Variants in CAMTA1 observed in about 807,000 individuals in gnomAD.
The protein encoded by CAMTA1 is calmodulin-binding transcription activator 1.
A neutral mutation model predicts 170.9 loss-of-function variants in CAMTA1; 27 were observed. The observed-to-expected ratio is 0.16, with a 90% CI of 0.12 to 0.22. CAMTA1 has a LOEUF of 0.22. CAMTA1 is among the 10% of genes least tolerant of loss of function. CAMTA1 has a pLI of 1.00. For synonymous variants in CAMTA1, 833 were observed against 891.5 expected (o/e 0.93, Z 1.17); for missense variants, 1,619 against 2,217.2 (o/e 0.73, Z 5.42).
intron 4 of CAMTA1, chr1:7,142,173 T>TGTGGG: frequency 1.9e-6 from 1 of 517,992 alleles, no homozygotes; most frequent in Non-Finnish European, 3.9e-6. Flanking sequence ...GCCAGCACCC[T>TGTGGG]CCCAGGCTGT....
intron 5 of CAMTA1, among the ~76,000 whole-genome samples, chr1:7,358,592 C>G (rs1454583042): frequency 6.6e-6 from 1 of 152,190 alleles, no homozygotes; most frequent in Non-Finnish European, 1.5e-5. Flanking sequence ...CATCACAGAG[C>G]CCAGACTCGC....
At chr1:7,462,462 G>A (rs1419093741) in intron 5 of CAMTA1, among the ~76,000 whole-genome samples, 2 of 151,960 alleles carry the variant, frequency 1.3e-5, no homozygotes, top group Admixed American at 6.6e-5. Context: ...ATGGGGTTTC[G>A]CCATGTTGGC....
rs1021009526 is a variant in CAMTA1, at chr1:7,065,242, G to T, written c.235-26062G>T. On this transcript the variant is annotated intron_variant, in intron 3 of 22. Coordinates refer to ENST00000303635, the MANE Select transcript of CAMTA1 (RefSeq NM_015215.4). This position sits in a 1 kb window ranked among gnomAD's most constrained non-coding sequence, Gnocchi z 5.2. The stretch of plus-strand genomic sequence containing the variant: ...ACTTAGAGGGCAGGGGAAGGAGGAG[G>T]AGATGGTGATGGGGCAGAGGAGAAG... 6.6e-6 allele frequency among the ~76,000 whole-genome samples: 1 copy of T among 152,152 alleles called. No homozygotes were observed. Among genetic ancestry groups the T allele is most frequent in the South Asian group, 2.1e-4 (1 of 4,824 alleles).
At chr1:7,217,371 G>A (rs777210130) in intron 4 of CAMTA1, among the ~76,000 whole-genome samples, 36 of 152,168 alleles carry the variant, frequency 2.4e-4, no homozygotes, top group Middle Eastern at 3.4e-3. Context: ...ACCCAGTCTC[G>A]GGCAGTTCTT....
chr1:6,922,628 G>C (rs915366909), intron 3 of CAMTA1, among the ~76,000 whole-genome samples: 4 of 152,218 alleles, frequency 2.6e-5, no homozygotes, highest in African/African-American at 7.2e-5. Flanking sequence ...GGTGGATGCT[G>C]TGTTGCCTTT....
intron 5 of CAMTA1, among the ~76,000 whole-genome samples, chr1:7,288,877 T>C (rs72641282): frequency 0.01 from 1,524 of 152,292 alleles, 14 homozygotes; most frequent in Non-Finnish European, 0.016. Context: ...TATTAGTCTG[T>C]TCTTGTATTA....
At chr1:7,691,574 T>G (rs756979154) in intron 11 of CAMTA1, among the ~76,000 whole-genome samples, 1 of 151,856 alleles carries the variant, frequency 6.6e-6, no homozygotes, top group Non-Finnish European at 1.5e-5. Flanking sequence ...ACCGAGGAGA[T>G]GGCATCAGGA....
chr1:7,416,146 C>G (rs2149286241), intron 5 of CAMTA1, among the ~76,000 whole-genome samples: 1 of 152,330 alleles, frequency 6.6e-6, no homozygotes, highest in African/African-American at 2.4e-5. Context: ...GTCTGATGGG[C>G]TTCCCTTTGT....
intron 11 of CAMTA1, among the ~76,000 whole-genome samples, chr1:7,728,724 T>C (rs532556907): frequency 1.3e-5 from 2 of 152,360 alleles, no homozygotes; most frequent in South Asian, 2.1e-4. Context: ...TGCTTGGAAC[T>C]GAACTCTAAC....
intron 3 of CAMTA1, among the ~76,000 whole-genome samples, chr1:7,085,009 G>A (rs1287376658): frequency 1.3e-5 from 2 of 152,108 alleles, no homozygotes; most frequent in South Asian, 2.1e-4. Flanking sequence ...TTACTTTTAA[G>A]TTCTGAGATC....
intron 5 of CAMTA1, among the ~76,000 whole-genome samples, chr1:7,289,068 AGGAG>A (rs1285887115): frequency 6.6e-6 from 1 of 152,164 alleles, no homozygotes; most frequent in Non-Finnish European, 1.5e-5. Context: ...TGGCCAGAGC[AGGAG>A]GAAGAGAGGG....
At chr1:6,960,265 A>G (rs1047848129) in intron 3 of CAMTA1, among the ~76,000 whole-genome samples, 90 of 152,272 alleles carry the variant, frequency 5.9e-4, no homozygotes, top group African/African-American at 2.2e-3. Context: ...GGGGGCAGAG[A>G]GCAGTTAAAC....
chr1:7,093,840 A>G lies in CAMTA1; in HGVS notation c.302+2469A>G, dbSNP rs1311223505. On this transcript the variant is annotated intron_variant, in intron 4 of 22. Transcript: ENST00000303635. This position sits in a 1 kb window ranked among gnomAD's most constrained non-coding sequence, Gnocchi z 4.6. Reference sequence around the variant, plus strand: ...TCACTCAGTGGCTTTGCGACTGTGAAAAGGTCATCTTAGCTCCTTTAAAAG... The same window carrying G: ...TCACTCAGTGGCTTTGCGACTGTGAGAAGGTCATCTTAGCTCCTTTAAAAG... 6.6e-6 allele frequency among the ~76,000 whole-genome samples: 1 copy of G among 152,218 alleles called. No individual in the cohort carries two copies. Among genetic ancestry groups the G allele is most frequent in the East Asian group, 1.9e-4 (1 of 5,192 alleles).
At position 7,216,448 on chromosome 1, in the gene CAMTA1, AAC is replaced by A. The variant is rs1232910118; in HGVS notation, c.303-33038_303-33037del. On this transcript the variant is annotated intron_variant, in intron 4 of 22. Transcript: ENST00000303635. The surrounding 1 kb of genome is among the most constrained non-coding windows in gnomAD (Gnocchi z 4.0). ...CTCTTGTACTGACAGCGGTGTGGTA[AAC>A]ACACTATTCTTAGTGTTTTCATCTA... Among the ~76,000 whole-genome samples the A allele has an allele frequency of 6.7e-6, 1 of 149,440 alleles. No individual in the cohort carries two copies. Among genetic ancestry groups the A allele is most frequent in the Non-Finnish European group, 1.5e-5 (1 of 67,090 alleles).
rs956442421 is a variant in CAMTA1 at position 6,965,957 on chromosome 1, C to T, written c.235-125347C>T. Among the ~76,000 whole-genome samples the T allele has an allele frequency of 3.9e-5, 6 of 151,900 alleles. No homozygotes were observed. The highest frequency in any genetic ancestry group is 1.2e-4 in the African/African-American group (5 of 41,322). ...GTCTTGGGATCTTTCTGGGACTGGT[C>T]GCAGCAGCTTCCTAGGTCAAGAACA... is the stretch of plus-strand genomic sequence containing the variant. On this transcript the variant is annotated intron_variant, in intron 3 of 22. Transcript: ENST00000303635. This position sits in a 1 kb window ranked among gnomAD's most constrained non-coding sequence, Gnocchi z 4.1.
intron 6 of CAMTA1, among the ~76,000 whole-genome samples, chr1:7,516,536 A>T (rs2094289185): frequency 1.3e-5 from 2 of 152,202 alleles, no homozygotes; most frequent in Admixed American, 6.5e-5. Context: ...AACAGCTAAG[A>T]AAGAGGCACA....
rs989809403 is a variant in CAMTA1 at position 7,560,997 on chromosome 1, T to C, written c.511-79403T>C. Among the ~76,000 whole-genome samples, 4 of 152,208 alleles carry C rather than the reference T, an allele frequency of 2.6e-5. No individual in the cohort carries two copies. The South Asian group carries it at 6.2e-4, about 24-fold the overall frequency. ...CCTCAGTGGGGGTGACTCGTATGACTGTGAAGGACAGGCTGGGACCTAGAA... is the reference window on the plus strand; with the variant it reads ...CCTCAGTGGGGGTGACTCGTATGACCGTGAAGGACAGGCTGGGACCTAGAA... On this transcript the variant is annotated intron_variant, in intron 6 of 22. Coordinates refer to ENST00000303635, the MANE Select transcript of CAMTA1 (RefSeq NM_015215.4).
chr1:7,601,952 C>T (rs867977255), intron 6 of CAMTA1, among the ~76,000 whole-genome samples: 6 of 136,070 alleles, frequency 4.4e-5, no homozygotes, highest in Admixed American at 2.9e-4. Flanking sequence ...AGAGGGAGAC[C>T]GTGGGGAGAG....
intron 5 of CAMTA1, among the ~76,000 whole-genome samples, chr1:7,357,352 G>A (rs890815594): frequency 2.6e-5 from 4 of 152,252 alleles, no homozygotes; most frequent in South Asian, 2.1e-4. Context: ...CTGGGCTCCT[G>A]GTGAGGAGGG....
Sources: allele counts gnomAD v4.1 joint callset (sites outside exome capture counted in the v4.1 genomes callset), GRCh38; gene constraint gnomAD v4.1.1; non-coding constraint Gnocchi (gnomAD v3.1); transcripts MANE v1.5; gene names NCBI Gene and HGNC (gene_info 2026-07-23, HGNC 2026-07-21).